RANBP17: variants seen among roughly 807,000 people sequenced by gnomAD.
The protein encoded by RANBP17 is ran-binding protein 17.
Under a neutral mutation model 141.2 loss-of-function variants are expected in RANBP17, and 158 were observed. The ratio of observed to expected loss-of-function variants is 1.12; its 90% CI spans 0.98 to 1.28. The LOEUF (loss-of-function observed/expected upper bound fraction) is 1.28, where lower values mean the gene tolerates loss of function less well. RANBP17 is among the 50% of genes most tolerant of loss of function. The pLI is 0.00. For missense variants in RANBP17, 1,438 were observed against 1,290.7 expected, an observed-to-expected ratio of 1.11 and a Z score of -1.75; for synonymous variants, 430 against 450.0, an observed-to-expected ratio of 0.96 and a Z score of 0.56.
chr5:170,967,612 TAATA>T (rs1264724636), intron 13 of RANBP17, among the ~76,000 whole-genome samples: 1 of 151,266 alleles, frequency 6.6e-6, no homozygotes, highest in East Asian at 1.9e-4. Flanking sequence ...AATTTTCTAA[TAATA>T]ATAGTTTTGA....
intron 14 of RANBP17, among the ~76,000 whole-genome samples, chr5:171,070,033 C>G (rs1003530019): frequency 6.6e-6 from 1 of 152,100 alleles, no homozygotes; most frequent in East Asian, 1.9e-4. Flanking sequence ...TAACTCAGTA[C>G]ACAAAATTTC....
chr5:171,246,259 G>A (rs1204979335), intron 24 of RANBP17, among the ~76,000 whole-genome samples: 3 of 152,276 alleles, frequency 2.0e-5, no homozygotes, highest in East Asian at 1.9e-4. Flanking sequence ...ACTCTCTTAC[G>A]TAGGTCCCAC....
At chr5:170,926,711 C>A (rs2339180) in intron 12 of RANBP17, among the ~76,000 whole-genome samples, 97,242 of 151,458 alleles carry the variant, frequency 0.64, 31,889 homozygotes, top group South Asian at 0.9. Context: ...AATTAAAAAA[C>A]TTAAAATGTG....
intron 14 of RANBP17, among the ~76,000 whole-genome samples, chr5:171,131,832 TTTTG>T (rs1473954243): frequency 3.3e-5 from 5 of 152,232 alleles, no homozygotes; most frequent in Non-Finnish European, 7.3e-5. Context: ...GGTATAACTA[TTTTG>T]TTTGTTTGTA....
chr5:170,876,043 T>C (rs1039866867), intron 1 of RANBP17, among the ~76,000 whole-genome samples: 2 of 152,178 alleles, frequency 1.3e-5, no homozygotes, highest in Non-Finnish European at 2.9e-5. Flanking sequence ...ACTTCAGGCC[T>C]TGTTAGTCTG....
intron 19 of RANBP17, among the ~76,000 whole-genome samples, chr5:171,202,511 C>T (rs902297076): frequency 1.3e-5 from 2 of 152,164 alleles, no homozygotes; most frequent in Admixed American, 6.6e-5. Context: ...TTTCAGCATG[C>T]GCACATTAAA....
chr5:170,892,786 T>C (rs1483705216), intron 4 of RANBP17, among the ~76,000 whole-genome samples: 1 of 152,334 alleles, frequency 6.6e-6, no homozygotes, highest in Non-Finnish European at 1.5e-5. Context: ...AATTTCAAAA[T>C]GTGTGTACAT....
At position 170,918,744 on chromosome 5, in the gene RANBP17, T is replaced by G. The variant is rs1772184554; in HGVS notation, c.986T>G (p.Phe329Cys). Residue 329 changes from phenylalanine (F) to cysteine (C), a missense_variant, in exon 10 of 28, where the codon TTT (phenylalanine) becomes TGT (cysteine). Physicochemically the swap from Phe to Cys is radical, Grantham distance 205. Transcript: ENST00000523189. ...TCTGATCCAGGTAATTATCATGAAT[T>G]TTGTCGATTTTTGGCTCGTTTAAAG... ...GLSDPGNYHEFCRFLARLKTN... is the reference protein window; with the variant it reads ...GLSDPGNYHECCRFLARLKTN... 6.2e-7 allele frequency: 1 copy of G among 1,607,192 alleles called. No individual in the cohort carries two copies. The highest frequency in any genetic ancestry group is 8.5e-7 in the Non-Finnish European group (1 of 1,176,608).
intron 13 of RANBP17, among the ~76,000 whole-genome samples, chr5:170,962,628 C>T (rs1776236339): frequency 6.6e-6 from 1 of 152,150 alleles, no homozygotes; most frequent in Admixed American, 6.5e-5. Context: ...CACCAGTACA[C>T]AGATTTTAAA....
intron 14 of RANBP17, among the ~76,000 whole-genome samples, chr5:170,992,956 TCA>T (rs1265158647): frequency 6.6e-6 from 1 of 152,078 alleles, no homozygotes; most frequent in African/African-American, 2.4e-5. Flanking sequence ...ATTCTGATGC[TCA>T]CAAAAATTTG....
intron 3 of RANBP17, among the ~76,000 whole-genome samples, chr5:170,882,901 G>A (rs965523342): frequency 2.5e-4 from 38 of 151,992 alleles, no homozygotes; most frequent in African/African-American, 8.9e-4. Flanking sequence ...GGGGTTTTTT[G>A]GGTCATCTTT....
At chr5:171,289,758 A>G (rs1182358101) in intron 25 of RANBP17, among the ~76,000 whole-genome samples, 2 of 152,164 alleles carry the variant, frequency 1.3e-5, no homozygotes, top group Non-Finnish European at 2.9e-5. Context: ...GGCTAGGTGC[A>G]GTGGCTCACG....
At chr5:170,887,837 G>T (rs376960957) in intron 3 of RANBP17, among the ~76,000 whole-genome samples, 105 of 151,630 alleles carry the variant, frequency 6.9e-4, no homozygotes, top group African/African-American at 2.5e-3. Flanking sequence ...GCAAAGAGAA[G>T]GCAAAAGAGA....
intron 12 of RANBP17, among the ~76,000 whole-genome samples, chr5:170,943,555 A>G (rs531183166): frequency 2.6e-5 from 4 of 152,264 alleles, no homozygotes; most frequent in South Asian, 2.1e-4. Flanking sequence ...AACAGCTGCT[A>G]AAACAAGCAC....
intron 12 of RANBP17, among the ~76,000 whole-genome samples, chr5:170,939,801 CGGG>C (rs755988514): frequency 6.6e-6 from 1 of 152,012 alleles, no homozygotes; most frequent in Admixed American, 6.5e-5. Flanking sequence ...GAGAGAGAGT[CGGG>C]GGAGTGATGA....
chr5:171,260,299 T>TAAAAAAA (rs1766214212), intron 24 of RANBP17, among the ~76,000 whole-genome samples: 1 of 33,518 alleles, frequency 3.0e-5, no homozygotes, highest in African/African-American at 7.9e-5. Context: ...AGACTCCATC[T>TAAAAAAA]CAAAAAAAAA....
In RANBP17 at chr5:171,212,120, G is replaced by A. The variant is rs114548566; in HGVS notation, c.2232-1511G>A. 7.0e-3 allele frequency among the ~76,000 whole-genome samples: 1,073 copies of A among 152,308 alleles called. 5 individuals carry two copies. The highest frequency in any genetic ancestry group is 0.012 in the Non-Finnish European group (826 of 68,034). On this transcript the variant is annotated intron_variant, in intron 20 of 27. Transcript: ENST00000523189. ...CCTAACCCATTAGGGAGAGGTAGGA[G>A]GCAAGTGCATGTGATGTCAGAGAAG...
rs1415183006 is a variant in RANBP17, at chr5:171,085,061, G to A, written c.1711-85069G>A. Among the ~76,000 whole-genome samples the A allele has an allele frequency of 1.2e-4, 7 of 60,604 alleles. No homozygotes were observed. The South Asian group carries it at 7.2e-3, about 63-fold the overall frequency. 39.8% of individuals were successfully genotyped at this position (60,604 alleles called of 152,430 possible). A position where few individuals can be genotyped will look rare whatever the true frequency, so the allele number is the denominator to read the frequency against. On this transcript the variant is annotated intron_variant, in intron 14 of 27. Transcript: ENST00000523189. Reference sequence around the variant, plus strand: ...CCATGCCTATGTCCTGAATGGTAATGCCTAGGTTTTCTTCTAGGGTTTTTA... The same window carrying A: ...CCATGCCTATGTCCTGAATGGTAATACCTAGGTTTTCTTCTAGGGTTTTTA...
Position 171,298,812 on chromosome 5 carries a change from G to A in RANBP17, c.3221G>A (p.Arg1074His), listed in dbSNP as rs145015947. The A allele has an allele frequency of 1.8e-4, 293 of 1,614,152 alleles. 1 individual carries two copies. The African/African-American group carries it at 2.5e-3, about 14-fold the overall frequency. ...VFRRDVAEAL[R>H]SDGNTEPCSL... ...AGAAGAGATGTGGCAGAGGCGTTGC[G>A]CAGTGATGGCAACACTGAACCATGC... The change falls in exon 28 of 28, where the codon CGC (arginine) becomes CAC (histidine). Residue 1074 changes from arginine (R) to histidine (H), a missense_variant. Transcript: ENST00000523189.
Sources: allele counts gnomAD v4.1 joint callset (sites outside exome capture counted in the v4.1 genomes callset), GRCh38; gene constraint gnomAD v4.1.1; transcripts MANE v1.5; gene names NCBI Gene and HGNC (gene_info 2026-07-23, HGNC 2026-07-21).